Variants in LRFN2 observed in about 807,000 individuals in gnomAD.
LRFN2 encodes leucine-rich repeat and fibronectin type-III domain-containing protein 2.
LRFN2 carries 18 observed loss-of-function variants against 37.3 expected under a neutral mutation model. The ratio of observed to expected loss-of-function variants is 0.48; its 90% CI spans 0.33 to 0.72. The LOEUF (loss-of-function observed/expected upper bound fraction) is 0.72. LRFN2 is among the 30% of genes least tolerant of loss of function. The pLI, the probability that LRFN2 is intolerant of heterozygous loss-of-function variation, is 0.02. For missense variants in LRFN2, 1,006 were observed against 1,060.7 expected (o/e 0.95, Z 0.72); for synonymous variants, 556 against 466.6 (o/e 1.19, Z -2.47).
chr6:40,562,827 G>GCACACACA (rs1475976500), intron 1 of LRFN2, among the ~76,000 whole-genome samples: 9 of 147,994 alleles, frequency 6.1e-5, no homozygotes, highest in Non-Finnish European at 1.2e-4. Context: ...TTATGTGCGT[G>GCACACACA]CACTCACTCA....
intron 2 of LRFN2, among the ~76,000 whole-genome samples, chr6:40,423,380 C>T (rs545822044): frequency 8.1e-4 from 123 of 152,224 alleles, no homozygotes; most frequent in Non-Finnish European, 1.5e-3. Flanking sequence ...TGGGCAGGCT[C>T]CTAGTAATCA....
intron 1 of LRFN2, among the ~76,000 whole-genome samples, chr6:40,451,596 G>T (rs1764109918): frequency 6.6e-6 from 1 of 152,212 alleles, no homozygotes; most frequent in East Asian, 1.9e-4. Context: ...TGGCCACGCG[G>T]CCTGTGTTGG....
At chr6:40,451,621 T>C (rs1474673402) in intron 1 of LRFN2, among the ~76,000 whole-genome samples, 1 of 152,198 alleles carries the variant, frequency 6.6e-6, no homozygotes, top group African/African-American at 2.4e-5. Flanking sequence ...AGCAGACATT[T>C]CATTACTAGA....
At chr6:40,433,522 G>GTGGATGGATGGA (rs921191740) in intron 1 of LRFN2, among the ~76,000 whole-genome samples, 4 of 151,882 alleles carry the variant, frequency 2.6e-5, no homozygotes, top group Non-Finnish European at 5.9e-5. Context: ...GGATGGATGG[G>GTGGATGGATGGA]TGGATGGATG....
intron 1 of LRFN2, among the ~76,000 whole-genome samples, chr6:40,520,054 A>T (rs1438256987): frequency 6.6e-6 from 1 of 152,108 alleles, no homozygotes; most frequent in Non-Finnish European, 1.5e-5. Flanking sequence ...AGAGTGCGTG[A>T]TGAGGCTGCA....
intron 1 of LRFN2, among the ~76,000 whole-genome samples, chr6:40,577,694 TG>T (rs1160746104): frequency 9.1e-6 from 1 of 109,812 alleles, no homozygotes; most frequent in Non-Finnish European, 2.0e-5. Context: ...TTTGGTTTTT[TG>T]TTCTTGCGAT....
intron 2 of LRFN2, among the ~76,000 whole-genome samples, chr6:40,420,787 G>A (rs1763210960): frequency 6.6e-6 from 1 of 152,218 alleles, no homozygotes; most frequent in South Asian, 2.1e-4. Flanking sequence ...GTCTTAGTTT[G>A]GGTTTCCCAG....
At chr6:40,565,440 C>A (rs1415457592) in intron 1 of LRFN2, among the ~76,000 whole-genome samples, 1 of 152,010 alleles carries the variant, frequency 6.6e-6, no homozygotes, top group Non-Finnish European at 1.5e-5. Context: ...AATCCTAAGC[C>A]AAAAGAACAA....
At chr6:40,558,503 T>C (rs1183647081) in intron 1 of LRFN2, among the ~76,000 whole-genome samples, 1 of 151,968 alleles carries the variant, frequency 6.6e-6, no homozygotes, top group Non-Finnish European at 1.5e-5. Context: ...AAACAGTCAG[T>C]GAGCTGAGGG....
chr6:40,400,579 C>A (rs996411045), intron 2 of LRFN2, among the ~76,000 whole-genome samples: 3 of 151,586 alleles, frequency 2.0e-5, no homozygotes, highest in Admixed American at 6.6e-5. Flanking sequence ...CACCACCATA[C>A]CTGGCTAATT....
At chr6:40,491,516 C>T (rs1188763756) in intron 1 of LRFN2, among the ~76,000 whole-genome samples, 3 of 149,138 alleles carry the variant, frequency 2.0e-5, no homozygotes, top group East Asian at 2.1e-4. Context: ...GTTTCCCTCA[C>T]TCTATTTTGC....
intron 1 of LRFN2, among the ~76,000 whole-genome samples, chr6:40,444,273 AG>A (rs1465900082): frequency 2.2e-4 from 33 of 152,220 alleles, no homozygotes; most frequent in African/African-American, 5.8e-4. Context: ...AAGGGAAAGA[AG>A]GGGGAAAAGG....
intron 1 of LRFN2, chr6:40,523,718 C>A (rs1265172661): frequency 1.3e-5 from 2 of 152,126 alleles, no homozygotes; most frequent in Non-Finnish European, 2.9e-5. Flanking sequence ...ACACATGAAG[C>A]TTGCTATGAA....
At position 40,587,071 on chromosome 6, in the gene LRFN2, C is replaced by A. The variant is rs540328076; in HGVS notation, c.-149G>T. 2.6e-5 allele frequency: 4 copies of A among 152,236 alleles called. No individual in the cohort carries two copies. The highest frequency in any genetic ancestry group is 7.2e-5 in the African/African-American group (3 of 41,440). The allele number at this position is 152,236 out of a possible 1,614,324, so 9.4% of individuals were successfully genotyped here. A position where few individuals can be genotyped will look rare whatever the true frequency, so the allele number is the denominator to read the frequency against. ...CTCGAGCTAAACCCTCCGGCGGCTC[C>A]GGCGAATGCAGGCAGATGGTGGCCT... On this transcript the variant is annotated 5_prime_UTR_variant, in exon 1 of 3. Transcript: ENST00000338305. The surrounding 1 kb of genome is among the most constrained non-coding windows in gnomAD (Gnocchi z 4.2).
At chr6:40,462,719 T>A (rs1364078358) in intron 1 of LRFN2, among the ~76,000 whole-genome samples, 10 of 152,042 alleles carry the variant, frequency 6.6e-5, no homozygotes. Flanking sequence ...TAATCCTACA[T>A]CTCCATTTAC....
chr6:40,522,846 C>T (rs1766124474), intron 1 of LRFN2, among the ~76,000 whole-genome samples: 1 of 152,216 alleles, frequency 6.6e-6, no homozygotes, highest in Non-Finnish European at 1.5e-5. Flanking sequence ...TTCCCTGAGC[C>T]TGTGTCATGT....
At chr6:40,417,232 G>A (rs1174434293) in intron 2 of LRFN2, among the ~76,000 whole-genome samples, 2 of 152,322 alleles carry the variant, frequency 1.3e-5, no homozygotes, top group East Asian at 1.9e-4. Flanking sequence ...GCATTTTGAC[G>A]GGTGGTAAAA....
At chr6:40,556,897 C>A (rs1310495027) in intron 1 of LRFN2, among the ~76,000 whole-genome samples, 4 of 152,304 alleles carry the variant, frequency 2.6e-5, no homozygotes, top group Middle Eastern at 3.4e-3. Flanking sequence ...TACCAAGACA[C>A]AAATCCAGCT....
intron 1 of LRFN2, among the ~76,000 whole-genome samples, chr6:40,547,718 C>T (rs1325367795): frequency 6.6e-6 from 1 of 152,102 alleles, no homozygotes; most frequent in African/African-American, 2.4e-5. Context: ...CTACCCCCAG[C>T]TTCCTCATCA....
Sources: gnomAD v4.1 joint callset for allele counts (sites outside exome capture counted in the v4.1 genomes callset) on GRCh38, gnomAD v4.1.1 for gene constraint, Gnocchi (gnomAD v3.1) non-coding constraint, MANE v1.5 for transcripts, NCBI Gene and HGNC (gene_info 2026-07-23, HGNC 2026-07-21) for gene names.